Variants in FARS2 observed in about 807,000 individuals in gnomAD.
The protein encoded by FARS2 is phenylalanyl-tRNA synthetase 2, mitochondrial.
A neutral mutation model predicts 46.4 loss-of-function variants in FARS2; 40 were observed. That is an observed-to-expected ratio of 0.86 (90% CI 0.67 to 1.12). The LOEUF is 1.12. Ranked by LOEUF, FARS2 falls within the 50% of genes most tolerant of loss-of-function variation. The pLI is 0.00. For synonymous variants in FARS2, 234 were observed against 214.9 expected (o/e 1.09, Z -0.78); for missense variants, 513 against 567.9 (o/e 0.90, Z 0.98).
At chr6:5,718,756 A>C (rs1759685291) in intron 6 of FARS2, among the ~76,000 whole-genome samples, 1 of 152,078 alleles carries the variant, frequency 6.6e-6, no homozygotes, top group Non-Finnish European at 1.5e-5. Context: ...GTGAAATCTG[A>C]CTCTCAGCCC....
At chr6:5,669,689 G>A (rs1778350549) in intron 6 of FARS2, among the ~76,000 whole-genome samples, 1 of 152,134 alleles carries the variant, frequency 6.6e-6, no homozygotes, top group African/African-American at 2.4e-5. Context: ...CCCAAATCCT[G>A]CCCTGCTAGT....
At position 5,637,278 on chromosome 6, in the gene FARS2, T is replaced by C. The variant is rs118148987; in HGVS notation, c.1217+23958T>C. On this transcript the variant is annotated intron_variant, in intron 6 of 6. Transcript: ENST00000274680. Reference sequence around the variant, plus strand: ...TCCACATATCACAACTAGGTAGTTGTATCTGATGGCATCTGGATTAACTGG... The same window carrying C: ...TCCACATATCACAACTAGGTAGTTGCATCTGATGGCATCTGGATTAACTGG... 2.3e-4 allele frequency among the ~76,000 whole-genome samples: 35 copies of C among 152,350 alleles called. No individual in the cohort carries two copies. In the East Asian group the frequency reaches 6.6e-3, roughly 29 times the overall value.
chr6:5,499,710 T>G (rs748807903), intron 4 of FARS2, among the ~76,000 whole-genome samples: 22 of 152,218 alleles, frequency 1.4e-4, no homozygotes, highest in Non-Finnish European at 2.5e-4. Flanking sequence ...TCCTTTGGCT[T>G]GGTGATATCA....
At position 5,532,755 on chromosome 6, in the gene FARS2, G is replaced by A. The variant is rs151064178; in HGVS notation, c.905-12425G>A. Among the ~76,000 whole-genome samples, 165 of 138,412 alleles carry A rather than the reference G, an allele frequency of 1.2e-3. 3 individuals carry two copies. The East Asian group carries it at 0.026, about 22-fold the overall frequency. 90.8% of individuals were successfully genotyped at this position (138,412 alleles called of 152,430 possible). A position where few individuals can be genotyped will look rare whatever the true frequency, so the allele number is the denominator to read the frequency against. On this transcript the variant is annotated intron_variant, in intron 4 of 6. Coordinates refer to ENST00000274680, the MANE Select transcript of FARS2 (RefSeq NM_006567.5). ...AACAGTGTGAGACTCTGTTTCAAAA[G>A]TAGTAGTAGTAATAATAATAATAAT...
At chr6:5,537,709 A>T (rs994905217) in intron 4 of FARS2, among the ~76,000 whole-genome samples, 4 of 152,238 alleles carry the variant, frequency 2.6e-5, no homozygotes, top group African/African-American at 9.6e-5. Flanking sequence ...TCCCTCTCTG[A>T]CGCTGTAGAG....
At chr6:5,725,645 G>T (rs1220902609) in intron 6 of FARS2, among the ~76,000 whole-genome samples, 1 of 152,198 alleles carries the variant, frequency 6.6e-6, no homozygotes, top group Non-Finnish European at 1.5e-5. Flanking sequence ...CTTTAAAAAG[G>T]TTAGCTGGGG....
At chr6:5,658,211 G>A (rs1356745113) in intron 6 of FARS2, among the ~76,000 whole-genome samples, 2 of 150,964 alleles carry the variant, frequency 1.3e-5, no homozygotes, top group Admixed American at 1.3e-4. Context: ...AGCCGAGATC[G>A]TGCCATTGCT....
In FARS2 at chr6:5,594,446, C is replaced by T. The variant is rs112961686; in HGVS notation, c.1066-18723C>T. ...ATTTGTTTCTCCCTTCCTTCTTTGC[C>T]GCATCAGTGAGGTCGAGGCAGGAGA... On this transcript the variant is annotated intron_variant, in intron 5 of 6. Coordinates refer to ENST00000274680, the MANE Select transcript of FARS2 (RefSeq NM_006567.5). 1.9e-3 allele frequency among the ~76,000 whole-genome samples: 283 copies of T among 152,194 alleles called. 1 individual carries two copies. Among genetic ancestry groups the T allele is most frequent in the African/African-American group, 6.6e-3 (272 of 41,512 alleles).
rs1203952858 is a variant in FARS2 at position 5,617,689 on chromosome 6, C to CT, written c.1217+4370dup. 2.0e-5 allele frequency among the ~76,000 whole-genome samples: 3 copies of CT among 152,266 alleles called. No homozygotes were observed. In the East Asian group the frequency reaches 5.8e-4, roughly 29 times the overall value. On this transcript the variant is annotated intron_variant, in intron 6 of 6. Transcript: ENST00000274680. ...TGCTACTTCATTGTGACTGTGATGG[C>CT]TAGTATTCTTGCAGCCATTTTGGGC...
chr6:5,690,848 A>G (rs1757653150), intron 6 of FARS2, among the ~76,000 whole-genome samples: 1 of 152,090 alleles, frequency 6.6e-6, no homozygotes, highest in South Asian at 2.1e-4. Context: ...TCAGACATAG[A>G]TTTGGTCTTT....
intron 4 of FARS2, among the ~76,000 whole-genome samples, chr6:5,526,204 CTT>C (rs980585737): frequency 4.9e-4 from 74 of 152,270 alleles, no homozygotes; most frequent in African/African-American, 1.7e-3. Flanking sequence ...CTCTCAGTTG[CTT>C]TTCCTTTGGG....
chr6:5,741,962 T>G (rs1761372372), intron 6 of FARS2, among the ~76,000 whole-genome samples: 1 of 152,208 alleles, frequency 6.6e-6, no homozygotes, highest in South Asian at 2.1e-4. Context: ...GGGACTTCTC[T>G]TTAGTTATCA....
intron 6 of FARS2, among the ~76,000 whole-genome samples, chr6:5,696,936 A>G (rs939746904): frequency 5.9e-5 from 9 of 152,228 alleles, no homozygotes; most frequent in Admixed American, 6.5e-5. Flanking sequence ...AGCAGTAAAG[A>G]TAATAAAAGT....
rs1582900642 is a variant in FARS2 at position 5,764,564 on chromosome 6, G to A, written c.1218-6727G>A. Among the ~76,000 whole-genome samples the A allele has an allele frequency of 1.3e-5, 2 of 152,180 alleles. No individual in the cohort carries two copies. The highest frequency in any genetic ancestry group is 4.1e-4 in the South Asian group (2 of 4,826). On this transcript the variant is annotated intron_variant, in intron 6 of 6. Coordinates refer to ENST00000274680, the MANE Select transcript of FARS2 (RefSeq NM_006567.5). The surrounding 1 kb of genome is among the most constrained non-coding windows in gnomAD (Gnocchi z 4.1). Reference sequence around the variant, plus strand: ...TTACTCTGAAAATGGAAGCTGCCCCGTGACAGCATCTTCTCTCCCGTTGAG... The same window carrying A: ...TTACTCTGAAAATGGAAGCTGCCCCATGACAGCATCTTCTCTCCCGTTGAG...
intron 1 of FARS2, among the ~76,000 whole-genome samples, chr6:5,274,304 C>T (rs368106596): frequency 5.9e-5 from 9 of 152,164 alleles, no homozygotes; most frequent in African/African-American, 1.4e-4. Flanking sequence ...AATTGTAATG[C>T]GGTCTTAGGC....
intron 1 of FARS2, among the ~76,000 whole-genome samples, chr6:5,295,464 ACT>A (rs1767789388): frequency 6.6e-6 from 1 of 151,412 alleles, no homozygotes; most frequent in Non-Finnish European, 1.5e-5. Context: ...TGCTAGCTGA[ACT>A]CTCCTTTTGT....
chr6:5,373,090 C>T (rs1213136395), intron 2 of FARS2, among the ~76,000 whole-genome samples: 2 of 152,104 alleles, frequency 1.3e-5, no homozygotes, highest in Non-Finnish European at 1.5e-5. Flanking sequence ...TCACAATGAA[C>T]AGCTAGAAGT....
chr6:5,492,683 A>G (rs776193513), intron 4 of FARS2, among the ~76,000 whole-genome samples: 5 of 152,240 alleles, frequency 3.3e-5, no homozygotes, highest in Non-Finnish European at 7.3e-5. Context: ...AGCCCCTACC[A>G]TGTTCTGGGC....
chr6:5,723,220 T>C (rs989752041), intron 6 of FARS2, among the ~76,000 whole-genome samples: 2 of 152,176 alleles, frequency 1.3e-5, no homozygotes, highest in African/African-American at 4.8e-5. Flanking sequence ...CAGACCCAAG[T>C]ACGTGCCCCT....
Sources: allele counts gnomAD v4.1 joint callset (sites outside exome capture counted in the v4.1 genomes callset), GRCh38; gene constraint gnomAD v4.1.1; non-coding constraint Gnocchi (gnomAD v3.1); transcripts MANE v1.5; gene names NCBI Gene and HGNC (gene_info 2026-07-23, HGNC 2026-07-21).